Variants in DENND5B observed in about 807,000 individuals in gnomAD.
The protein encoded by DENND5B is DENN domain-containing protein 5B.
DENND5B carries 34 observed loss-of-function variants against 140.6 expected under a neutral mutation model. That is an observed-to-expected ratio of 0.24 (90% CI 0.18 to 0.32). DENND5B has a LOEUF of 0.32. Among genes scored for constraint, DENND5B ranks in the 10% least tolerant of loss-of-function variants. DENND5B has a pLI of 1.00. For missense variants in DENND5B, 1,142 were observed against 1,560.2 expected (o/e 0.73, Z 4.52); for synonymous variants, 551 against 562.1 (o/e 0.98, Z 0.28).
rs138125298 is a variant in DENND5B at position 31,450,421 on chromosome 12, A to G, written c.1629+1519T>C. On this transcript the variant is annotated intron_variant, in intron 5 of 20. Coordinates refer to ENST00000389082, the MANE Select transcript of DENND5B (RefSeq NM_144973.4). ...CTAGCCCAAGCTGGAGTGCAGTGGC[A>G]TCATCTTGGCTCACTGCAGCCTCAA... Among the ~76,000 whole-genome samples, 426 of 152,294 alleles carry G rather than the reference A, an allele frequency of 2.8e-3. 5 individuals are homozygous for G. The highest frequency in any genetic ancestry group is 9.8e-3 in the African/African-American group (409 of 41,568).
At chr12:31,398,139 C>A (rs1269675108) in intron 17 of DENND5B, 36 bp downstream of exon 17, 3 of 1,541,436 alleles carry the variant, frequency 1.9e-6, no homozygotes, top group Non-Finnish European at 2.6e-6. Context: ...AAGCCTACAT[C>A]ATAGGAGCAC....
At position 31,415,403 on chromosome 12, in the gene DENND5B, A is replaced by C; in HGVS notation, c.2516T>G (p.Leu839Trp). 1.2e-6 allele frequency: 2 copies of C among 1,610,910 alleles called. No homozygotes were observed. The highest frequency in any genetic ancestry group is 2.2e-5 in the East Asian group (1 of 44,808). ...AATAAGAGAGACCCTGAGCGTTGGC[A>C]ACATAACTCCTGAGTCAGATTTTCT... ...ERRKSDSGVM[L>W]PTLRVSLIQD... The change falls in exon 12 of 21, where the codon TTG becomes TGG. Residue 839 changes from leucine to tryptophan, a missense_variant. Physicochemically the swap from Leu to Trp is moderately conservative, Grantham distance 61. Around this residue, in one of 5 missense-constraint regions of DENND5B, gnomAD observed 268 missense variants for 349.2 expected, o/e 0.77. Transcript: ENST00000389082.
chr12:31,496,065 G>A (rs1263796452), intron 1 of DENND5B, 146 bp from the exon 2 acceptor site: 9 of 515,550 alleles, frequency 1.7e-5, no homozygotes, highest in East Asian at 3.1e-5. Context: ...GTAAAATCCC[G>A]ATGGACAACT....
intron 1 of DENND5B, among the ~76,000 whole-genome samples, chr12:31,552,906 G>C (rs772513348): frequency 6.6e-6 from 1 of 152,016 alleles, no homozygotes; most frequent in Non-Finnish European, 1.5e-5. Context: ...TGGGATCGGT[G>C]GTGATATCCC....
At chr12:31,574,709 T>TAA (rs1949953391) in intron 1 of DENND5B, among the ~76,000 whole-genome samples, 7 of 152,228 alleles carry the variant, frequency 4.6e-5, no homozygotes, top group Admixed American at 4.6e-4. Flanking sequence ...ATACTTTAAT[T>TAA]ATTTCCCCAT....
chr12:31,443,255 A>G (rs1254389753), intron 6 of DENND5B, among the ~76,000 whole-genome samples: 1 of 152,122 alleles, frequency 6.6e-6, no homozygotes, highest in Non-Finnish European at 1.5e-5. Context: ...TTGTATTTTT[A>G]GTAGAGATGG....
chr12:31,431,404 C>G (rs1012674126), intron 8 of DENND5B, among the ~76,000 whole-genome samples: 2 of 152,150 alleles, frequency 1.3e-5, no homozygotes, highest in African/African-American at 4.8e-5. Flanking sequence ...TTAGTGCAAG[C>G]TGGCATGCAG....
chr12:31,409,260 T>C lies in DENND5B; in HGVS notation c.2803+3A>G, dbSNP rs749026159. ...CCCTTAACGGTCAATTCTCTAGACT[T>C]ACTGATAGTGGTGAACACACTGGTG... On this transcript the variant is annotated splice_donor_region_variant and intron_variant, in intron 14 of 20. Coordinates refer to ENST00000389082, the MANE Select transcript of DENND5B (RefSeq NM_144973.4). 9 of 1,568,600 alleles carry C rather than the reference T, an allele frequency of 5.7e-6. No individual in the cohort carries two copies. The highest frequency in any genetic ancestry group is 7.8e-6 in the Non-Finnish European group (9 of 1,157,726).
At chr12:31,404,752 C>G (rs191334173) in intron 14 of DENND5B, among the ~76,000 whole-genome samples, 1 of 70,960 alleles carries the variant, frequency 1.4e-5, no homozygotes, top group Non-Finnish European at 2.8e-5. Flanking sequence ...CCGCGTCCGA[C>G]CTCTAGCTTT....
Position 31,433,171 on chromosome 12 carries a change from T to TC in DENND5B, c.2089dup (p.Asp697GlyfsTer38). 6.2e-7 allele frequency: 1 copy of TC among 1,613,972 alleles called. No individual in the cohort carries two copies. Among genetic ancestry groups the TC allele is most frequent in the Non-Finnish European group, 8.5e-7 (1 of 1,179,870 alleles). ...ACCACATACCTCCCTCAAGTCGTTG[T>TC]CCAGCCCAACATGCTCAGAATGCTG... On this transcript the variant is annotated frameshift_variant, in exon 8 of 21. Coordinates refer to ENST00000389082, the MANE Select transcript of DENND5B (RefSeq NM_144973.4). LOFTEE classifies it high-confidence loss of function.
In DENND5B at chr12:31,409,307, T is replaced by C; in HGVS notation, c.2759A>G (p.Asn920Ser). 3 of 1,570,572 alleles carry C rather than the reference T, an allele frequency of 1.9e-6. No individual in the cohort carries two copies. Among genetic ancestry groups the C allele is most frequent in the Non-Finnish European group, 2.6e-6 (3 of 1,156,796 alleles). Residue 920 changes from asparagine to serine, a missense_variant, in exon 14 of 21, where the codon AAT (asparagine) becomes AGT (serine). Asn to Ser is a conservative substitution (Grantham distance 46, BLOSUM62 1). Coordinates refer to ENST00000389082, the MANE Select transcript of DENND5B (RefSeq NM_144973.4). ...GGTGAAGCAGAAATAGTCCACAGCATTGAGAGAAAGAAGGTGGTAAAGAAA... is the reference window on the plus strand; with the variant it reads ...GGTGAAGCAGAAATAGTCCACAGCACTGAGAGAAAGAAGGTGGTAAAGAAA... ...EQFLYHLLSL[N>S]AVDYFCFTSV...
chr12:31,387,448 A>G lies in DENND5B; in HGVS notation c.*155T>C. 1.5e-6 allele frequency: 1 copy of G among 672,072 alleles called. No homozygotes were observed. The highest frequency in any genetic ancestry group is 2.4e-6 in the Non-Finnish European group (1 of 408,470). 41.6% of individuals were successfully genotyped at this position (672,072 alleles called of 1,614,324 possible). A position where few individuals can be genotyped will look rare whatever the true frequency, so the allele number is the denominator to read the frequency against. On this transcript the variant is annotated 3_prime_UTR_variant, in exon 21 of 21. Coordinates refer to ENST00000389082, the MANE Select transcript of DENND5B (RefSeq NM_144973.4). ...ATTCCAGGTTCAAATGAACTACAAT[A>G]CAACATTTTGCCTTGTCTGTAGAGT...
intron 1 of DENND5B, among the ~76,000 whole-genome samples, chr12:31,511,197 C>G (rs564761050): frequency 8.5e-5 from 13 of 152,222 alleles, no homozygotes; most frequent in African/African-American, 3.1e-4. Flanking sequence ...TGTGACTGCA[C>G]CACTGTACTC....
At chr12:31,392,500 C>T (rs1941200442) in intron 18 of DENND5B, 107 bp from the exon 19 acceptor site, 1 of 1,545,898 alleles carries the variant, frequency 6.5e-7, no homozygotes, top group African/African-American at 1.4e-5. Context: ...CATGTTTTTA[C>T]AGCTACCAGA....
chr12:31,528,966 G>T (rs970158901), intron 1 of DENND5B, among the ~76,000 whole-genome samples: 1 of 151,842 alleles, frequency 6.6e-6, no homozygotes, highest in African/African-American at 2.4e-5. Context: ...TCCAAGAGCA[G>T]CCTGGCCAAC....
intron 7 of DENND5B, among the ~76,000 whole-genome samples, chr12:31,438,997 A>C (rs1435258021): frequency 1.1e-4 from 17 of 152,238 alleles, no homozygotes; most frequent in Admixed American, 1.1e-3. Context: ...AAAATGGCCT[A>C]CTTAATTTTA....
chr12:31,583,245 T>A (rs543742032), intron 1 of DENND5B, among the ~76,000 whole-genome samples: 1 of 147,670 alleles, frequency 6.8e-6, no homozygotes, highest in African/African-American at 2.5e-5. Flanking sequence ...TGAGGAGAGA[T>A]AGCGCCACTG....
intron 14 of DENND5B, among the ~76,000 whole-genome samples, chr12:31,402,911 G>A (rs532348302): frequency 1.3e-5 from 2 of 152,192 alleles, no homozygotes; most frequent in South Asian, 2.1e-4. Context: ...AACATTAAAC[G>A]TATGAACAAT....
chr12:31,460,071 C>T (rs1432030432), intron 4 of DENND5B, 123 bp downstream of exon 4: 6 of 945,556 alleles, frequency 6.3e-6, no homozygotes, highest in Admixed American at 2.7e-5. Flanking sequence ...CCTAGCCATA[C>T]TTGGAGATTT....
Sources: gnomAD v4.1 joint callset for allele counts (sites outside exome capture counted in the v4.1 genomes callset) on GRCh38, gnomAD v4.1.1 for gene constraint, gnomAD v4.1.1 regional missense constraint, MANE v1.5 for transcripts, NCBI Gene and HGNC (gene_info 2026-07-23, HGNC 2026-07-21) for gene names.